The following UNC5D variants were observed in gnomAD, a reference collection of about 807,000 sequenced individuals.
UNC5D encodes netrin receptor UNC5D.
UNC5D carries 39 observed loss-of-function variants against 105.4 expected under a neutral mutation model. The observed-to-expected ratio is 0.37, with a 90% CI of 0.29 to 0.48. The LOEUF (loss-of-function observed/expected upper bound fraction) is 0.48, where lower values mean the gene tolerates loss of function less well. UNC5D is among the 20% of genes least tolerant of loss of function. UNC5D has a pLI of 0.98. For missense variants in UNC5D, 991 were observed against 1,202.4 expected, an observed-to-expected ratio of 0.82 and a Z score of 2.60; for synonymous variants, 452 against 450.4, an observed-to-expected ratio of 1.00 and a Z score of -0.04.
intron 1 of UNC5D, among the ~76,000 whole-genome samples, chr8:35,468,929 G>A (rs2046512375): frequency 6.6e-6 from 1 of 152,186 alleles, no homozygotes; most frequent in Non-Finnish European, 1.5e-5. Flanking sequence ...AAACAAGAGA[G>A]CCCTTGCTAA....
chr8:35,237,708 C>G (rs1313445722), intron 1 of UNC5D, among the ~76,000 whole-genome samples: 1 of 152,168 alleles, frequency 6.6e-6, no homozygotes, highest in Non-Finnish European at 1.5e-5. Flanking sequence ...TAGTAATATG[C>G]AAGACACATG....
At chr8:35,629,842 C>G (rs1434465354) in intron 4 of UNC5D, among the ~76,000 whole-genome samples, 1 of 152,132 alleles carries the variant, frequency 6.6e-6, no homozygotes, top group Non-Finnish European at 1.5e-5. Context: ...TATCCCCCCA[C>G]CCCAGGTCGT....
intron 11 of UNC5D, among the ~76,000 whole-genome samples, chr8:35,738,769 T>C (rs1025277684): frequency 1.4e-4 from 21 of 152,200 alleles, no homozygotes; most frequent in Admixed American, 4.6e-4. Flanking sequence ...TCAGTCAAGC[T>C]TATGCCACCT....
intron 1 of UNC5D, among the ~76,000 whole-genome samples, chr8:35,521,010 GT>G (rs1813425331): frequency 6.6e-6 from 1 of 152,124 alleles, no homozygotes; most frequent in Non-Finnish European, 1.5e-5. Context: ...AACAGTGTAT[GT>G]TTATATTGTT....
intron 1 of UNC5D, among the ~76,000 whole-genome samples, chr8:35,501,005 C>T (rs963346815): frequency 3.3e-5 from 5 of 152,162 alleles, no homozygotes; most frequent in Non-Finnish European, 5.9e-5. Flanking sequence ...GGGTGCTTTC[C>T]CATGAGCTCT....
intron 1 of UNC5D, among the ~76,000 whole-genome samples, chr8:35,282,710 C>CAAAAAAAAAAAA (rs200599461): frequency 7.4e-6 from 1 of 135,948 alleles, no homozygotes; most frequent in African/African-American, 2.7e-5. Context: ...TATTAAAAGA[C>CAAAAAAAAAAAA]AAAAAAAAAA....
intron 1 of UNC5D, among the ~76,000 whole-genome samples, chr8:35,350,595 A>G (rs1462273968): frequency 6.6e-6 from 1 of 152,016 alleles, no homozygotes; most frequent in Non-Finnish European, 1.5e-5. Flanking sequence ...CAAAACCTCT[A>G]GCTTTAAAGT....
chr8:35,324,045 C>T (rs1809955297), intron 1 of UNC5D, among the ~76,000 whole-genome samples: 1 of 151,762 alleles, frequency 6.6e-6, no homozygotes, highest in Non-Finnish European at 1.5e-5. Context: ...GCCTGGACAA[C>T]ATAGCGAGAC....
chr8:35,283,000 C>G (rs1002024316), intron 1 of UNC5D, among the ~76,000 whole-genome samples: 1 of 152,142 alleles, frequency 6.6e-6, no homozygotes, highest in African/African-American at 2.4e-5. Context: ...TGTTTTATAA[C>G]TCCCAGGCTG....
chr8:35,761,426 G>A (rs1801526399), intron 14 of UNC5D, among the ~76,000 whole-genome samples: 1 of 152,114 alleles, frequency 6.6e-6, no homozygotes, highest in Admixed American at 6.5e-5. Context: ...GGAAGAAGAG[G>A]CTTAGGGGGC....
In UNC5D at chr8:35,304,999, G is replaced by A. The variant is rs188609124; in HGVS notation, c.103+69112G>A. On this transcript the variant is annotated intron_variant, in intron 1 of 16. Coordinates refer to ENST00000404895, the MANE Select transcript of UNC5D (RefSeq NM_080872.4). ...CTCAGAAATGTATTATATTATTTTA[G>A]GCTGAAGAATTGAAGCAGTGCCATT... 1.9e-3 allele frequency among the ~76,000 whole-genome samples: 294 copies of A among 152,172 alleles called. 1 individual carries two copies. Among genetic ancestry groups the A allele is most frequent in the Middle Eastern group, 6.8e-3 (2 of 294 alleles).
At chr8:35,405,635 A>G (rs189427235) in intron 1 of UNC5D, among the ~76,000 whole-genome samples, 8 of 152,152 alleles carry the variant, frequency 5.3e-5, no homozygotes, top group African/African-American at 1.9e-4. Context: ...TCATTTGGTA[A>G]TGACGGTTCC....
chr8:35,699,808 G>C (rs1403451313), intron 7 of UNC5D, among the ~76,000 whole-genome samples: 3 of 152,172 alleles, frequency 2.0e-5, no homozygotes, highest in African/African-American at 4.8e-5. Context: ...AAGGGTCATT[G>C]CTGACCAAGA....
intron 1 of UNC5D, among the ~76,000 whole-genome samples, chr8:35,377,095 A>G (rs762240968): frequency 1.3e-4 from 20 of 152,174 alleles, no homozygotes; most frequent in Admixed American, 1.3e-4. Context: ...CAGGTGGTGT[A>G]TCATTTTATC....
intron 4 of UNC5D, among the ~76,000 whole-genome samples, chr8:35,649,678 T>C (rs888484119): frequency 1.3e-5 from 2 of 152,152 alleles, no homozygotes; most frequent in African/African-American, 4.8e-5. Context: ...ATGAACTCCC[T>C]GATACAATAG....
At chr8:35,611,827 C>T (rs1820705195) in intron 4 of UNC5D, among the ~76,000 whole-genome samples, 1 of 152,082 alleles carries the variant, frequency 6.6e-6, no homozygotes, top group South Asian at 2.1e-4. Flanking sequence ...TTTTATACTC[C>T]CTAATTAATG....
chr8:35,248,472 GATATA>G (rs1803363063), intron 1 of UNC5D, among the ~76,000 whole-genome samples: 1 of 3,316 alleles, frequency 3.0e-4, no homozygotes. Context: ...ATATGAAATA[GATATA>G]ATATATAAAT....
chr8:35,378,670 G>A (rs539837024), intron 1 of UNC5D, among the ~76,000 whole-genome samples: 1 of 152,292 alleles, frequency 6.6e-6, no homozygotes, highest in South Asian at 2.1e-4. Flanking sequence ...CAGACATGGT[G>A]CCTACACCAT....
At chr8:35,594,075 G>T (rs537237926) in intron 3 of UNC5D, among the ~76,000 whole-genome samples, 1 of 152,226 alleles carries the variant, frequency 6.6e-6, no homozygotes, top group East Asian at 1.9e-4. Context: ...TACGGTTCCC[G>T]GATAGAGGGA....
Sources: allele counts gnomAD v4.1 joint callset (sites outside exome capture counted in the v4.1 genomes callset), GRCh38; gene constraint gnomAD v4.1.1; transcripts MANE v1.5; gene names NCBI Gene and HGNC (gene_info 2026-07-23, HGNC 2026-07-21).